Variants in WWP2 observed in about 807,000 individuals in gnomAD.
WWP2 encodes the protein WW domain containing E3 ubiquitin protein ligase 2, also known as NEDD4-like E3 ubiquitin-protein ligase WWP2.
A neutral mutation model predicts 121.0 loss-of-function variants in WWP2; 57 were observed. The observed-to-expected ratio is 0.47, with a 90% confidence interval of 0.38 to 0.59. The LOEUF is 0.59. Ranked by LOEUF, WWP2 falls within the 20% of genes least tolerant of loss-of-function variation. The pLI, the probability that WWP2 is intolerant of heterozygous loss-of-function variation, is 0.00. For missense variants in WWP2, 962 were observed against 1,158.9 expected (o/e 0.83, Z 2.47); for synonymous variants, 449 against 441.3 (o/e 1.02, Z -0.22).
At chr16:69,868,294 A>G (rs2057564924) in intron 6 of WWP2, among the ~76,000 whole-genome samples, 1 of 152,028 alleles carries the variant, frequency 6.6e-6, no homozygotes, top group African/African-American at 2.4e-5. Context: ...CATTCAGGGT[A>G]AGCCGCTATC....
intron 1 of WWP2, among the ~76,000 whole-genome samples, chr16:69,781,585 G>A (rs913970635): frequency 1.3e-5 from 2 of 152,042 alleles, no homozygotes; most frequent in African/African-American, 2.4e-5. Flanking sequence ...CTGAGCACAA[G>A]GTGATCCGCC....
At chr16:69,808,310 C>T (rs1596972168) in intron 4 of WWP2, among the ~76,000 whole-genome samples, 2 of 151,786 alleles carry the variant, frequency 1.3e-5, no homozygotes, top group Non-Finnish European at 2.9e-5. Context: ...CGCTATATTG[C>T]CCAGGCTGGT....
intron 6 of WWP2, among the ~76,000 whole-genome samples, chr16:69,845,320 A>G (rs1386839992): frequency 6.6e-6 from 1 of 152,084 alleles, no homozygotes; most frequent in Non-Finnish European, 1.5e-5. Context: ...AAGCCTGGGA[A>G]GTGAGGCATT....
chr16:69,933,940 T>A, intron 16 of WWP2, 30 bp from the exon 17 acceptor site: 1 of 1,609,128 alleles, frequency 6.2e-7, no homozygotes. Context: ...GGACCCATTA[T>A]TCTTGTCTTT....
chr16:69,866,035 G>A (rs889608247), intron 6 of WWP2, among the ~76,000 whole-genome samples: 1 of 152,170 alleles, frequency 6.6e-6, no homozygotes, highest in Admixed American at 6.5e-5. Context: ...GGGGTGTAAC[G>A]AGGTGTCTCT....
intron 6 of WWP2, among the ~76,000 whole-genome samples, chr16:69,861,115 A>G (rs2057410189): frequency 6.6e-6 from 1 of 152,228 alleles, no homozygotes; most frequent in Non-Finnish European, 1.5e-5. Flanking sequence ...CTAAGCGGCA[A>G]CAGTGTCCTA....
chr16:69,850,407 G>A (rs2057185350), intron 6 of WWP2, among the ~76,000 whole-genome samples: 3 of 119,408 alleles, frequency 2.5e-5, no homozygotes, highest in East Asian at 3.6e-4. Context: ...AAAAAATGAT[G>A]AAAAGTCAGG....
chr16:69,797,398 A>T (rs2056069328), intron 2 of WWP2, among the ~76,000 whole-genome samples: 2 of 152,132 alleles, frequency 1.3e-5, no homozygotes, highest in Admixed American at 6.5e-5. Flanking sequence ...TCTGGCTTGT[A>T]GCTCCCTGGC....
chr16:69,801,571 A>G (rs186382179), intron 4 of WWP2, among the ~76,000 whole-genome samples: 1 of 149,938 alleles, frequency 6.7e-6, no homozygotes, highest in Non-Finnish European at 1.5e-5. Flanking sequence ...GGATCTCCCT[A>G]TATTGCTCAG....
At chr16:69,801,060 G>A (rs1295650674) in intron 4 of WWP2, among the ~76,000 whole-genome samples, 1 of 147,508 alleles carries the variant, frequency 6.8e-6, no homozygotes, top group Admixed American at 6.7e-5. Flanking sequence ...ATGGTGGTGG[G>A]CGCCTGTAAT....
chr16:69,866,261 G>T (rs1566455), intron 6 of WWP2, among the ~76,000 whole-genome samples: 102,384 of 150,660 alleles, frequency 0.68, 36,463 homozygotes, highest in East Asian at 0.9. Context: ...TTTAAAAAAA[G>T]GTTTCACATT....
intron 6 of WWP2, among the ~76,000 whole-genome samples, chr16:69,846,081 C>G (rs938221929): frequency 1.2e-5 from 1 of 85,322 alleles, no homozygotes; most frequent in African/African-American, 4.9e-5. Flanking sequence ...GAATACTTAT[C>G]TGGTCTGGCA....
intron 4 of WWP2, among the ~76,000 whole-genome samples, chr16:69,802,787 A>G (rs2056197844): frequency 6.6e-6 from 1 of 151,840 alleles, no homozygotes; most frequent in Non-Finnish European, 1.5e-5. Flanking sequence ...TATTTTTAGT[A>G]GAGACGGGAG....
chr16:69,857,023 A>C (rs367707093), intron 6 of WWP2, among the ~76,000 whole-genome samples: 4 of 152,060 alleles, frequency 2.6e-5, no homozygotes, highest in Non-Finnish European at 5.9e-5. Context: ...GTGATTCTTG[A>C]TATCTTTAGA....
intron 8 of WWP2, among the ~76,000 whole-genome samples, chr16:69,889,585 C>T (rs1268945224): frequency 1.3e-5 from 2 of 152,160 alleles, no homozygotes; most frequent in Non-Finnish European, 2.9e-5. Context: ...AACATGAAGC[C>T]CTCACTGATT....
In WWP2 at chr16:69,855,334, C is replaced by T. The variant is rs529823837; in HGVS notation, c.575+13214C>T. 5.9e-5 allele frequency among the ~76,000 whole-genome samples: 9 copies of T among 152,264 alleles called. No homozygotes were observed. In the South Asian group the frequency reaches 1.9e-3, roughly 32 times the overall value. ...TATTTCTTAAGTATTTTTTAGTTCA[C>T]TTCAGTCTGCCCTCTGCCTCTATCA... On this transcript the variant is annotated intron_variant, in intron 6 of 23. Coordinates refer to ENST00000359154, the MANE Select transcript of WWP2 (RefSeq NM_001270454.2).
rs903915774 is a variant in WWP2 at position 69,857,762 on chromosome 16, A to G, written c.576-14042A>G. 2.7e-5 allele frequency among the ~76,000 whole-genome samples: 4 copies of G among 150,034 alleles called. No homozygotes were observed. In the East Asian group the frequency reaches 7.9e-4, roughly 30 times the overall value. On this transcript the variant is annotated intron_variant, in intron 6 of 23. Coordinates refer to ENST00000359154, the MANE Select transcript of WWP2 (RefSeq NM_001270454.2). Reference sequence around the variant, plus strand: ...CTGCAGCCTCGACCTCCCAGGCTCAAGTGATCTTCCCACCTCAGTCTCCCA... The same window carrying G: ...CTGCAGCCTCGACCTCCCAGGCTCAGGTGATCTTCCCACCTCAGTCTCCCA...
At chr16:69,840,357 T>C in intron 5 of WWP2, 94 bp downstream of exon 5, 1 of 1,554,138 alleles carries the variant, frequency 6.4e-7, no homozygotes. Context: ...TACTAGGCCA[T>C]CTTGGTTTGA....
At position 69,844,522 on chromosome 16, in the gene WWP2, C is replaced by T. The variant is rs1021744734; in HGVS notation, c.575+2402C>T. On this transcript the variant is annotated intron_variant, in intron 6 of 23. Coordinates refer to ENST00000359154, the MANE Select transcript of WWP2 (RefSeq NM_001270454.2). Reference sequence around the variant, plus strand: ...GATTCAGCTATTAACAAGTTTGGATCTAAATTCTTGACCTATTTACTGGTC... The same window carrying T: ...GATTCAGCTATTAACAAGTTTGGATTTAAATTCTTGACCTATTTACTGGTC... Among the ~76,000 whole-genome samples the T allele has an allele frequency of 1.1e-4, 16 of 152,232 alleles. 2 individuals carry two copies. The highest frequency in any genetic ancestry group is 3.9e-4 in the East Asian group (2 of 5,184).
Sources: allele counts gnomAD v4.1 joint callset (sites outside exome capture counted in the v4.1 genomes callset), GRCh38; gene constraint gnomAD v4.1.1; transcripts MANE v1.5; gene names NCBI Gene and HGNC (gene_info 2026-07-23, HGNC 2026-07-21).